Variants in RSPH6A observed in about 807,000 individuals in gnomAD.
The protein encoded by RSPH6A is radial spoke head 6 homolog A.
In RSPH6A, 49 loss-of-function variants were observed where a neutral mutation model predicts 66.1. The observed-to-expected ratio is 0.74, with a 90% CI of 0.59 to 0.94. RSPH6A has a LOEUF of 0.94. Ranked by LOEUF, RSPH6A falls within the 40% of genes least tolerant of loss-of-function variation. The pLI, the probability that RSPH6A is intolerant of heterozygous loss-of-function variation, is 0.00. For missense variants in RSPH6A, 977 were observed against 948.3 expected, an observed-to-expected ratio of 1.03 and a Z score of -0.40; for synonymous variants, 419 against 402.4, an observed-to-expected ratio of 1.04 and a Z score of -0.49.
intron 4 of RSPH6A, 69 bp downstream of exon 4, chr19:45,802,051 C>G (rs1970480163): frequency 7.5e-7 from 1 of 1,335,470 alleles, no homozygotes; most frequent in African/African-American, 1.5e-5. Context: ...CCCCAGCAGT[C>G]CAGCCACCCC....
chr19:45,810,681 C>T lies in RSPH6A; in HGVS notation c.810G>A (p.Lys270=). 1.2e-6 allele frequency: 2 copies of T among 1,614,134 alleles called. No individual in the cohort carries two copies. The highest frequency in any genetic ancestry group is 1.7e-6 in the Non-Finnish European group (2 of 1,180,016). The part of the protein sequence containing the change: ...RDDPEMQPTY[K]MAEKQKALFT... The stretch of plus-strand genomic sequence containing the variant: ...ACAGCGCCTTCTGTTTCTCCGCCAT[C>T]TTGTAGGTGGGCTGCATCTCGGGGT... Residue 270 remains lysine (K), a synonymous_variant, in exon 2 of 6, where the codon AAG becomes AAA. Coordinates refer to ENST00000221538, the MANE Select transcript of RSPH6A (RefSeq NM_030785.4).
rs1289388655 is a variant in RSPH6A, at chr19:45,804,630, CTTG to C, written c.1272_1274del (p.Asn424del). ...GCTCGTTGCACACAAAGTACAGGTA[CTTG>C]TTGGCGCCTGAGCGGCTCTCCTCCT... On this transcript the variant is annotated inframe_deletion, in exon 3 of 6. Coordinates refer to ENST00000221538, the MANE Select transcript of RSPH6A (RefSeq NM_030785.4). This position sits in a 1 kb window ranked among gnomAD's most constrained non-coding sequence, Gnocchi z 5.8. 2.5e-6 allele frequency: 4 copies of C among 1,614,054 alleles called. No homozygotes were observed. Among genetic ancestry groups the C allele is most frequent in the Non-Finnish European group, 3.4e-6 (4 of 1,180,046 alleles).
chr19:45,811,017 TG>T (rs1298709700), intron 1 of RSPH6A, 177 bp from the exon 2 acceptor site: 4 of 478,636 alleles, frequency 8.4e-6, no homozygotes, highest in Non-Finnish European at 1.5e-5. Context: ...GTTTTTGAGA[TG>T]GAGTCTTGCT....
Position 45,800,488 on chromosome 19 carries a change from C to A in RSPH6A, c.1874G>T (p.Arg625Leu). 6.2e-7 allele frequency: 1 copy of A among 1,613,438 alleles called. No individual in the cohort carries two copies. ...LCPQYSVAVV[R>L]SNLWPGAYAY... ...ATAGGCCCCGGGCCAGAGGTTGGAG[C>A]GCACAACGGCCACTGAGTACTGCGG... Residue 625 changes from arginine (R) to leucine (L), a missense_variant, in exon 5 of 6, where the codon CGC becomes CTC. Coordinates refer to ENST00000221538, the MANE Select transcript of RSPH6A (RefSeq NM_030785.4).
Position 45,795,944 on chromosome 19 carries a change from C to G in RSPH6A, c.2079G>C (p.Gln693His). ...VEEEQALKAAQEQALGATEEE... is the reference protein window; with the variant it reads ...VEEEQALKAAHEQALGATEEE... The stretch of plus-strand genomic sequence containing the variant: ...CCTCTGTGGCTCCCAGGGCTTGTTC[C>G]TGGGCTGCTTTCAGAGCCTGCTCCT... Residue 693 changes from glutamine (Q) to histidine (H), a missense_variant, in exon 6 of 6, where the codon CAG becomes CAC. Physicochemically the swap from Gln to His is conservative, Grantham distance 24 (BLOSUM62 0). Transcript: ENST00000221538. The G allele has an allele frequency of 6.3e-7, 1 of 1,598,640 alleles. No individual in the cohort carries two copies. Among genetic ancestry groups the G allele is most frequent in the Non-Finnish European group, 8.5e-7 (1 of 1,175,118 alleles).
At position 45,796,089 on chromosome 19, in the gene RSPH6A, T is replaced by A; in HGVS notation, c.1934A>T (p.Tyr645Phe). The A allele has an allele frequency of 6.3e-7, 1 of 1,577,698 alleles. No individual in the cohort carries two copies. Among genetic ancestry groups the A allele is most frequent in the Non-Finnish European group, 8.6e-7 (1 of 1,156,892 alleles). ...YASGKKFENI[Y>F]IGWGHKYSPE... ...GCTGTACTTGTGACCCCAGCCGATGTAGATGTTCTCAAACTTTCTGGAGAA... is the reference window on the plus strand; with the variant it reads ...GCTGTACTTGTGACCCCAGCCGATGAAGATGTTCTCAAACTTTCTGGAGAA... Residue 645 changes from tyrosine to phenylalanine, a missense_variant, in exon 6 of 6, where the codon TAC becomes TTC. Physicochemically the swap from Tyr to Phe is conservative, Grantham distance 22. Transcript: ENST00000221538.
chr19:45,802,990 C>T (rs1416717524), intron 3 of RSPH6A, among the ~76,000 whole-genome samples: 3 of 149,872 alleles, frequency 2.0e-5, no homozygotes, highest in Non-Finnish European at 3.0e-5. Context: ...GGGCGGATCA[C>T]GAGGTCAGGA....
chr19:45,810,345 T>C (rs990080694), intron 2 of RSPH6A, among the ~76,000 whole-genome samples: 10 of 152,040 alleles, frequency 6.6e-5, no homozygotes, highest in Non-Finnish European at 1.2e-4. Context: ...TAATTTCTTA[T>C]ATTTTTAGTA....
rs961826065 is a variant in RSPH6A at position 45,804,588 on chromosome 19, C to T, written c.1317G>A (p.Thr439=). ...FVCNEPGLPW[T]RLPHVTPAQI... ...GGGCTGGAGTGACGTGGGGCAGCCG[C>T]GTCCATGGCAGGCCCGGCTCGTTGC... Residue 439 remains threonine (T), a synonymous_variant, in exon 3 of 6, where the codon ACG becomes ACA. Transcript: ENST00000221538. This position sits in a 1 kb window ranked among gnomAD's most constrained non-coding sequence, Gnocchi z 5.8. The T allele has an allele frequency of 4.3e-6, 7 of 1,614,174 alleles. No individual in the cohort carries two copies. Among genetic ancestry groups the T allele is most frequent in the South Asian group, 1.1e-5 (1 of 91,074 alleles).
intron 4 of RSPH6A, among the ~76,000 whole-genome samples, chr19:45,800,908 C>T (rs1375060279): frequency 2.0e-5 from 3 of 152,006 alleles, no homozygotes; most frequent in Non-Finnish European, 2.9e-5. Context: ...AACGACTCTC[C>T]TTCCTCAACC....
chr19:45,800,195 T>C (rs1970452731), intron 5 of RSPH6A, among the ~76,000 whole-genome samples: 3 of 152,188 alleles, frequency 2.0e-5, no homozygotes, highest in African/African-American at 7.2e-5. Flanking sequence ...TGTGTGACCA[T>C]AGCCAGTCCC....
chr19:45,812,782 G>A (rs1970646797), intron 1 of RSPH6A, among the ~76,000 whole-genome samples: 1 of 151,936 alleles, frequency 6.6e-6, no homozygotes, highest in African/African-American at 2.4e-5. Context: ...TGCAGCCTCT[G>A]CCTCCCGGTT....
Position 45,795,730 on chromosome 19 carries a change from A to T in RSPH6A, c.*139T>A, listed in dbSNP as rs1293690222. The T allele has an allele frequency of 1.5e-5, 12 of 780,540 alleles. No individual in the cohort carries two copies. The highest frequency in any genetic ancestry group is 2.5e-5 in the East Asian group (1 of 40,282). 48.4% of individuals were successfully genotyped at this position (780,540 alleles called of 1,614,324 possible). The stretch of plus-strand genomic sequence containing the variant: ...ATCCATAATGCCGTGGAGGAATTTT[A>T]TTTGAAGCAGTTGCCTTCCTTTTCT... On this transcript the variant is annotated 3_prime_UTR_variant, in exon 6 of 6. Transcript: ENST00000221538.
At chr19:45,803,210 GAA>G (rs537694212) in intron 3 of RSPH6A, among the ~76,000 whole-genome samples, 6 of 104,068 alleles carry the variant, frequency 5.8e-5, no homozygotes, top group Admixed American at 1.1e-4. Context: ...CTCCGTCTCA[GAA>G]AAAAAAAAAA....
chr19:45,796,160 C>A, intron 5 of RSPH6A, 54 bp from the exon 6 acceptor site: 126 of 920,042 alleles, frequency 1.4e-4, no homozygotes, highest in Non-Finnish European at 1.7e-4. Flanking sequence ...CCAGACTTGA[C>A]TTTTTTTTTT....
chr19:45,804,221 G>T lies in RSPH6A; in HGVS notation c.1653+31C>A. On this transcript the variant is annotated intron_variant, in intron 3 of 5. Coordinates refer to ENST00000221538, the MANE Select transcript of RSPH6A (RefSeq NM_030785.4). The surrounding 1 kb of genome is among the most constrained non-coding windows in gnomAD (Gnocchi z 5.8). The stretch of plus-strand genomic sequence containing the variant: ...CATGCGTGAGCCCCCTGCTCCTGCC[G>T]TTTGTGAGAGGCGGGAGTCCCGGCG... 6.4e-7 allele frequency: 1 copy of T among 1,567,300 alleles called. No individual in the cohort carries two copies.
chr19:45,814,524 C>T lies in RSPH6A; in HGVS notation c.650+3G>A. 2.0e-6 allele frequency: 3 copies of T among 1,497,408 alleles called. No individual in the cohort carries two copies. Among genetic ancestry groups the T allele is most frequent in the Non-Finnish European group, 2.7e-6 (3 of 1,123,008 alleles). The allele number at this position is 1,497,408 out of a possible 1,614,324, so 92.8% of individuals were successfully genotyped here. ...ACCCGCCCCACTCCTAGCCCCTGCT[C>T]ACAGGCTGAGGTCGCAATTGATGCT... is the stretch of plus-strand genomic sequence containing the variant. On this transcript the variant is annotated splice_donor_region_variant and intron_variant, in intron 1 of 5. Transcript: ENST00000221538.
intron 3 of RSPH6A, among the ~76,000 whole-genome samples, chr19:45,803,240 T>TGTG (rs1970495300): frequency 6.8e-6 from 1 of 146,936 alleles, no homozygotes; most frequent in African/African-American, 2.5e-5. Flanking sequence ...CAGGCATAGT[T>TGTG]GTGGTGGTAT....
chr19:45,814,550 G>A lies in RSPH6A; in HGVS notation c.627C>T (p.Thr209=). ...ACAGGCTGAGGTCGCAATTGATGCT[G>A]GTCTGCAGCAGGTAGGCCTTGGCGT... is the stretch of plus-strand genomic sequence containing the variant. The part of the protein sequence containing the change: ...VQNAKAYLLQ[T]SINCDLSLYE... Residue 209 remains threonine (T), a synonymous_variant, in exon 1 of 6, where the codon ACC becomes ACT. Transcript: ENST00000221538. 6.6e-7 allele frequency: 1 copy of A among 1,520,356 alleles called. No individual in the cohort carries two copies. Among genetic ancestry groups the A allele is most frequent in the African/African-American group, 1.4e-5 (1 of 72,054 alleles). The allele number at this position is 1,520,356 out of a possible 1,614,324, so 94.2% of individuals were successfully genotyped here.
Sources: gnomAD v4.1 joint callset for allele counts (sites outside exome capture counted in the v4.1 genomes callset) on GRCh38, gnomAD v4.1.1 for gene constraint, Gnocchi (gnomAD v3.1) non-coding constraint, MANE v1.5 for transcripts, NCBI Gene and HGNC (gene_info 2026-07-23, HGNC 2026-07-21) for gene names.